MGAT4C: variants seen among roughly 807,000 people sequenced by gnomAD.
The protein encoded by MGAT4C is alpha-1,3-mannosyl-glycoprotein 4-beta-N-acetylglucosaminyltransferase C.
A neutral mutation model predicts 40.1 loss-of-function variants in MGAT4C; 19 were observed. The observed-to-expected ratio is 0.47, with a 90% confidence interval of 0.33 to 0.70. MGAT4C has a LOEUF of 0.70. Among genes scored for constraint, MGAT4C ranks in the 30% least tolerant of loss-of-function variants. The probability of loss-of-function intolerance (pLI) is 0.02; values close to 1 mark genes in which losing one functional copy is unlikely to be tolerated. For missense variants in MGAT4C, 491 were observed against 563.2 expected (o/e 0.87, Z 1.30); for synonymous variants, 181 against 187.1 (o/e 0.97, Z 0.27).
At chr12:86,608,565 C>T (rs1251563696) in intron 2 of MGAT4C, among the ~76,000 whole-genome samples, 1 of 152,046 alleles carries the variant, frequency 6.6e-6, no homozygotes, top group East Asian at 1.9e-4. Flanking sequence ...GAGTGAGATG[C>T]TGTCTCTAAT....
chr12:86,806,447 TGTGA>T (rs1952354761), intron 1 of MGAT4C, among the ~76,000 whole-genome samples: 1 of 74,620 alleles, frequency 1.3e-5, no homozygotes, highest in African/African-American at 3.5e-5. Context: ...TGTGTGTGTG[TGTGA>T]GAGAGAGAGT....
At chr12:86,152,900 G>T (rs839190) in intron 1 of MGAT4C, among the ~76,000 whole-genome samples, 134,651 of 152,076 alleles carry the variant, frequency 0.89, 59,833 homozygotes, top group East Asian at 1. Context: ...CCTCTCTTGC[G>T]TTTTTTTTCC....
At chr12:86,254,849 C>G (rs1397697761) in intron 1 of MGAT4C, among the ~76,000 whole-genome samples, 1 of 151,936 alleles carries the variant, frequency 6.6e-6, no homozygotes, top group Non-Finnish European at 1.5e-5. Context: ...CTGACACTGT[C>G]TATAAACTTA....
rs11103922 is a variant in MGAT4C, at chr12:86,310,340, A to T, written c.-57+23725T>A. On this transcript the variant is annotated intron_variant, in intron 4 of 7. Coordinates refer to the MGAT4C transcript ENST00000548651. The stretch of plus-strand genomic sequence containing the variant: ...AAACAATAGTAAAAGTGAAATGATC[A>T]AAGGTAGTGTTCTCAGTCTCTGGAA... Among the ~76,000 whole-genome samples, 1,196 of 152,290 alleles carry T rather than the reference A, an allele frequency of 7.9e-3. 23 individuals carry two copies. Among genetic ancestry groups the T allele is most frequent in the African/African-American group, 0.028 (1,144 of 41,550 alleles).
intron 2 of MGAT4C, among the ~76,000 whole-genome samples, chr12:85,996,812 GAATA>G (rs1355774914): frequency 6.6e-6 from 1 of 152,010 alleles, no homozygotes; most frequent in Admixed American, 6.5e-5. Flanking sequence ...GAAAGAAAGA[GAATA>G]AATAAATTCA....
chr12:86,213,790 G>A (rs550111779), intron 1 of MGAT4C, among the ~76,000 whole-genome samples: 1 of 152,290 alleles, frequency 6.6e-6, no homozygotes, highest in Non-Finnish European at 1.5e-5. Flanking sequence ...ACCCATAGTA[G>A]AAGTTTGAAA....
At chr12:86,345,976 G>A (rs1426287729) in intron 3 of MGAT4C, among the ~76,000 whole-genome samples, 1 of 152,100 alleles carries the variant, frequency 6.6e-6, no homozygotes, top group Non-Finnish European at 1.5e-5. Flanking sequence ...TCTCATTGTG[G>A]TTTTGATTTG....
chr12:86,773,693 CTATT>C (rs903525073), intron 1 of MGAT4C, among the ~76,000 whole-genome samples: 2 of 151,776 alleles, frequency 1.3e-5, no homozygotes, highest in Admixed American at 6.6e-5. Flanking sequence ...TATCTCTTAA[CTATT>C]TATAAGACAA....
intron 2 of MGAT4C, among the ~76,000 whole-genome samples, chr12:86,048,334 G>A (rs1409843666): frequency 1.3e-5 from 2 of 152,014 alleles, no homozygotes; most frequent in Non-Finnish European, 2.9e-5. Context: ...GAGGGAGGGA[G>A]TGAGGGTTGA....
chr12:86,503,497 CAT>C (rs1209943586), intron 2 of MGAT4C, among the ~76,000 whole-genome samples: 1 of 5,786 alleles, frequency 1.7e-4, no homozygotes, highest in Non-Finnish European at 2.4e-4. Context: ...GAGTTCTGCT[CAT>C]ATATATATAT....
At chr12:86,229,669 A>C (rs571879734) in intron 1 of MGAT4C, among the ~76,000 whole-genome samples, 1 of 152,158 alleles carries the variant, frequency 6.6e-6, no homozygotes, top group Admixed American at 6.5e-5. Context: ...GTAATGGTAT[A>C]AGGAAGTACA....
At chr12:86,560,626 A>T (rs1412741877) in intron 2 of MGAT4C, among the ~76,000 whole-genome samples, 4 of 152,190 alleles carry the variant, frequency 2.6e-5, no homozygotes, top group Non-Finnish European at 5.9e-5. Flanking sequence ...TTCAGCATAG[A>T]AGATGCATGC....
At chr12:86,004,729 T>G (rs1887698352) in intron 2 of MGAT4C, among the ~76,000 whole-genome samples, 1 of 152,202 alleles carries the variant, frequency 6.6e-6, no homozygotes, top group Non-Finnish European at 1.5e-5. Flanking sequence ...TGTCCTATTT[T>G]GTGGATATAA....
chr12:86,191,986 T>C (rs1446612941), intron 1 of MGAT4C, among the ~76,000 whole-genome samples: 2 of 148,726 alleles, frequency 1.3e-5, no homozygotes, highest in African/African-American at 4.9e-5. Flanking sequence ...CAGCAAACTA[T>C]CCCAGGGACA....
At chr12:86,732,010 C>T (rs552416564) in intron 1 of MGAT4C, among the ~76,000 whole-genome samples, 1 of 152,176 alleles carries the variant, frequency 6.6e-6, no homozygotes, top group Non-Finnish European at 1.5e-5. Flanking sequence ...ATTTGCTGGG[C>T]CTAGGTTTAT....
chr12:86,226,736 C>T (rs1174830610), intron 1 of MGAT4C, among the ~76,000 whole-genome samples: 2 of 151,896 alleles, frequency 1.3e-5, no homozygotes, highest in Admixed American at 1.3e-4. Flanking sequence ...CTTATACACA[C>T]TCCCAGACAC....
intron 2 of MGAT4C, among the ~76,000 whole-genome samples, chr12:86,608,631 C>T (rs1962130985): frequency 6.6e-6 from 1 of 151,874 alleles, no homozygotes; most frequent in African/African-American, 2.4e-5. Flanking sequence ...GCTCAAAACC[C>T]TTGACTGAAT....
At chr12:86,116,393 G>A (rs887879874) in intron 1 of MGAT4C, among the ~76,000 whole-genome samples, 2 of 152,044 alleles carry the variant, frequency 1.3e-5, no homozygotes, top group South Asian at 2.1e-4. Context: ...CTAAGCAGCT[G>A]TAAATTTGGT....
At chr12:86,594,037 CA>C (rs1961435663) in intron 2 of MGAT4C, among the ~76,000 whole-genome samples, 1 of 152,164 alleles carries the variant, frequency 6.6e-6, no homozygotes, top group Non-Finnish European at 1.5e-5. Flanking sequence ...CCACAAAAGC[CA>C]GGACAATGGC....
Sources: gnomAD v4.1 joint callset for allele counts (sites outside exome capture counted in the v4.1 genomes callset) on GRCh38, gnomAD v4.1.1 for gene constraint, MANE v1.5 for transcripts, NCBI Gene and HGNC (gene_info 2026-07-23, HGNC 2026-07-21) for gene names.